The following CTNND2 variants were observed in gnomAD, a reference collection of about 807,000 sequenced individuals.
CTNND2 encodes catenin delta-2.
CTNND2 carries 22 observed loss-of-function variants against 144.4 expected under a neutral mutation model. The ratio of observed to expected loss-of-function variants is 0.15; its 90% CI spans 0.11 to 0.22. The LOEUF is 0.22. Ranked by LOEUF, CTNND2 falls within the 10% of genes least tolerant of loss-of-function variation. CTNND2 has a pLI of 1.00. For missense variants in CTNND2, 1,353 were observed against 1,618.8 expected (o/e 0.84, Z 2.82); for synonymous variants, 751 against 695.6 (o/e 1.08, Z -1.25).
At chr5:11,312,170 TCATCCCCCACACTCCCC>T (rs1751034179) in intron 9 of CTNND2, among the ~76,000 whole-genome samples, 4 of 58,846 alleles carry the variant, frequency 6.8e-5, no homozygotes, top group Admixed American at 1.8e-4. Flanking sequence ...CCATACACCG[TCATCCCCCACACTCCCC>T]ATACTCACCC....
At chr5:11,688,952 C>A (rs774213173) in intron 2 of CTNND2, among the ~76,000 whole-genome samples, 2 of 152,122 alleles carry the variant, frequency 1.3e-5, no homozygotes, top group Non-Finnish European at 2.9e-5. Flanking sequence ...AATGACACAG[C>A]GAGGGCCACA....
chr5:11,130,515 G>C (rs1755484937), intron 12 of CTNND2, among the ~76,000 whole-genome samples: 1 of 152,186 alleles, frequency 6.6e-6, no homozygotes, highest in Non-Finnish European at 1.5e-5. Context: ...GGTCGCCACA[G>C]AGTTAACTGC....
At chr5:11,847,140 A>AT (rs1376679703) in intron 1 of CTNND2, among the ~76,000 whole-genome samples, 2 of 49,682 alleles carry the variant, frequency 4.0e-5, no homozygotes, top group Non-Finnish European at 8.5e-5. Flanking sequence ...ATATATATAT[A>AT]TATATATATA....
At chr5:11,124,943 G>A (rs559043179) in intron 12 of CTNND2, among the ~76,000 whole-genome samples, 9 of 152,262 alleles carry the variant, frequency 5.9e-5, no homozygotes, top group South Asian at 2.1e-4. Flanking sequence ...GGAGCAGCAC[G>A]CTGCTCTCCT....
At chr5:11,462,485 G>A (rs963454903) in intron 3 of CTNND2, among the ~76,000 whole-genome samples, 1 of 152,004 alleles carries the variant, frequency 6.6e-6, no homozygotes, top group African/African-American at 2.4e-5. Flanking sequence ...GTCCGATAGT[G>A]TCATTAGTGG....
chr5:11,446,503 T>C (rs1764814992), intron 3 of CTNND2, among the ~76,000 whole-genome samples: 2 of 152,186 alleles, frequency 1.3e-5, no homozygotes, highest in Admixed American at 1.3e-4. Context: ...TCACAATTCC[T>C]CTGGGAGATG....
intron 18 of CTNND2, among the ~76,000 whole-genome samples, chr5:11,009,803 C>A (rs1740872880): frequency 6.6e-6 from 1 of 152,236 alleles, no homozygotes; most frequent in Admixed American, 6.5e-5. Flanking sequence ...TAGCAACTGC[C>A]ATGTGCATTG....
At chr5:11,371,648 A>G (rs1757488583) in intron 7 of CTNND2, among the ~76,000 whole-genome samples, 1 of 152,216 alleles carries the variant, frequency 6.6e-6, no homozygotes, top group Admixed American at 6.5e-5. Flanking sequence ...TGCTATTTAA[A>G]GGGCCCCAAA....
chr5:11,038,872 A>T (rs1408720316), intron 16 of CTNND2, among the ~76,000 whole-genome samples: 1 of 152,220 alleles, frequency 6.6e-6, no homozygotes, highest in Non-Finnish European at 1.5e-5. Context: ...CAACATATCA[A>T]ATTAATGATC....
chr5:11,484,873 A>T (rs1382829340), intron 3 of CTNND2, among the ~76,000 whole-genome samples: 2 of 152,240 alleles, frequency 1.3e-5, no homozygotes, highest in African/African-American at 4.8e-5. Flanking sequence ...CTTGACCGTC[A>T]TGAAGGGTAG....
chr5:11,181,509 G>A (rs978432756), intron 11 of CTNND2, among the ~76,000 whole-genome samples: 1 of 152,144 alleles, frequency 6.6e-6, no homozygotes. Context: ...TAAAAGCACT[G>A]TGGAAGCTTC....
intron 3 of CTNND2, among the ~76,000 whole-genome samples, chr5:11,540,027 C>T (rs965109876): frequency 2.0e-5 from 3 of 151,774 alleles, no homozygotes; most frequent in Admixed American, 6.6e-5. Flanking sequence ...GAACAAGACT[C>T]GGCCTCAAAA....
At chr5:11,423,815 A>G (rs1433732380) in intron 3 of CTNND2, among the ~76,000 whole-genome samples, 1 of 152,246 alleles carries the variant, frequency 6.6e-6, no homozygotes, top group Non-Finnish European at 1.5e-5. Flanking sequence ...AATGTAAGCA[A>G]AGCTAACACC....
intron 2 of CTNND2, among the ~76,000 whole-genome samples, chr5:11,571,832 C>A (rs1372152967): frequency 6.6e-6 from 1 of 152,166 alleles, no homozygotes; most frequent in Non-Finnish European, 1.5e-5. Flanking sequence ...ACTTTAATAT[C>A]TCTGGGTTTA....
chr5:11,430,273 A>C (rs886436922), intron 3 of CTNND2, among the ~76,000 whole-genome samples: 1 of 136,564 alleles, frequency 7.3e-6, no homozygotes, highest in Admixed American at 7.1e-5. Context: ...AAAAAAAAGG[A>C]GTTTTTTTTT....
chr5:11,549,013 T>G (rs1274550790), intron 3 of CTNND2, among the ~76,000 whole-genome samples: 1 of 152,254 alleles, frequency 6.6e-6, no homozygotes, highest in African/African-American at 2.4e-5. Flanking sequence ...GTAGTTTAAC[T>G]AGAAAAGAGT....
intron 1 of CTNND2, among the ~76,000 whole-genome samples, chr5:11,875,740 C>A (rs1735522401): frequency 6.6e-6 from 1 of 152,206 alleles, no homozygotes; most frequent in African/African-American, 2.4e-5. Flanking sequence ...GGAATAAATA[C>A]TGCTGTTTAT....
chr5:11,215,239 C>T (rs560784955), intron 10 of CTNND2, among the ~76,000 whole-genome samples: 45 of 152,302 alleles, frequency 3.0e-4, no homozygotes, highest in African/African-American at 9.6e-4. Flanking sequence ...GAAGATATCT[C>T]GGAAACTCAG....
At chr5:11,418,459 T>C (rs909572546) in intron 3 of CTNND2, among the ~76,000 whole-genome samples, 9 of 152,134 alleles carry the variant, frequency 5.9e-5, no homozygotes, top group Admixed American at 5.9e-4. Context: ...GAGCTCTTGT[T>C]AGAGCAATAT....
Sources: gnomAD v4.1 joint callset for allele counts (sites outside exome capture counted in the v4.1 genomes callset) on GRCh38, gnomAD v4.1.1 for gene constraint, MANE v1.5 for transcripts, NCBI Gene and HGNC (gene_info 2026-07-23, HGNC 2026-07-21) for gene names.